The following SREBF2 variants were observed in gnomAD, a reference collection of about 807,000 sequenced individuals.
SREBF2 encodes the protein sterol regulatory element-binding protein 2.
A neutral mutation model predicts 113.1 loss-of-function variants in SREBF2; 55 were observed. That is an observed-to-expected ratio of 0.49 (90% CI 0.39 to 0.61). The LOEUF (loss-of-function observed/expected upper bound fraction) is 0.61, where lower values mean the gene tolerates loss of function less well. SREBF2 is among the 20% of genes least tolerant of loss of function. The pLI is 0.00. For synonymous variants in SREBF2, 593 were observed against 605.7 expected, an observed-to-expected ratio of 0.98 and a Z score of 0.31; for missense variants, 1,349 against 1,487.4, an observed-to-expected ratio of 0.91 and a Z score of 1.53.
chr22:41,848,582 A>T (rs1385207094), intron 1 of SREBF2, among the ~76,000 whole-genome samples: 1 of 152,138 alleles, frequency 6.6e-6, no homozygotes, highest in Non-Finnish European at 1.5e-5. Context: ...CGTAGAGCCT[A>T]ACTGCTGGGA....
At chr22:41,845,437 T>C (rs908211110) in intron 1 of SREBF2, among the ~76,000 whole-genome samples, 2 of 152,218 alleles carry the variant, frequency 1.3e-5, no homozygotes, top group African/African-American at 2.4e-5. Context: ...GCCCCTTCTC[T>C]GGTCAAAAGT....
At position 41,833,558 on chromosome 22, in the gene SREBF2, C is replaced by T. The variant is rs13057991; in HGVS notation, c.88+200C>T. ...GACCCAGCTGCGCCGCTCCGGGAGGCCGTGGGATCTGGGGCGCCGCGGGGC... is the reference window on the plus strand; with the variant it reads ...GACCCAGCTGCGCCGCTCCGGGAGGTCGTGGGATCTGGGGCGCCGCGGGGC... On this transcript the variant is annotated intron_variant, in intron 1 of 18. Transcript: ENST00000361204. This position sits in a 1 kb window ranked among gnomAD's most constrained non-coding sequence, Gnocchi z 4.1. 176,528 of 456,186 alleles carry T rather than the reference C, an allele frequency of 0.39. 36,308 individuals carry two copies. Among genetic ancestry groups the T allele is most frequent in the Non-Finnish European group, 0.44 (115,526 of 263,890 alleles). The allele number at this position is 456,186 out of a possible 1,614,324, so 28.3% of individuals were successfully genotyped here.
At position 41,904,910 on chromosome 22, in the gene SREBF2, C is replaced by G. The variant is rs757074741; in HGVS notation, c.3141C>G (p.Pro1047=). 5.0e-6 allele frequency: 8 copies of G among 1,605,780 alleles called. 1 individual carries two copies. Among genetic ancestry groups the G allele is most frequent in the Middle Eastern group, 3.3e-4 (2 of 5,982 alleles). Reference sequence around the variant, plus strand: ...TGCGCCTGATGGCAGGAGCCAGCCCCACCCGCACCCACCAGCTGCTGGAAC... The same window carrying G: ...TGCGCCTGATGGCAGGAGCCAGCCCGACCCGCACCCACCAGCTGCTGGAAC... ...ATVRLMAGAS[P]TRTHQLLEHS... is the part of the protein sequence containing the mutation. The change falls in exon 18 of 19, where the codon CCC becomes CCG. Residue 1047 remains proline, a synonymous_variant. Transcript: ENST00000361204.
rs751342107 is a variant in SREBF2, at chr22:41,880,976, C to T, written c.2022C>T (p.His674=). 2 of 1,608,404 alleles carry T rather than the reference C, an allele frequency of 1.2e-6. No homozygotes were observed. Among genetic ancestry groups the T allele is most frequent in the East Asian group, 2.2e-5 (1 of 44,892 alleles). Residue 674 remains histidine, a synonymous_variant, in exon 10 of 19, where the codon CAC becomes CAT. Transcript: ENST00000361204. ...CGGCTCTGGCCTATCACCGGCTGCA[C>T]CAGCTGCACATCACAGGTGAGGGGG... ...RDAALAYHRL[H]QLHITGKLPA...
At chr22:41,900,594 A>T in intron 16 of SREBF2, 96 bp downstream of exon 16, 1 of 1,321,704 alleles carries the variant, frequency 7.6e-7, no homozygotes, top group South Asian at 1.3e-5. Flanking sequence ...GGGTGGGGCC[A>T]TCCGAAAGAC....
At chr22:41,858,865 C>A (rs997336332) in intron 1 of SREBF2, among the ~76,000 whole-genome samples, 1 of 152,042 alleles carries the variant, frequency 6.6e-6, no homozygotes, top group Admixed American at 6.6e-5. Flanking sequence ...AGGGACCTGC[C>A]GGGCACAGTG....
At chr22:41,864,040 A>C (rs2077048081) in intron 1 of SREBF2, among the ~76,000 whole-genome samples, 1 of 149,834 alleles carries the variant, frequency 6.7e-6, no homozygotes, top group Non-Finnish European at 1.5e-5. Context: ...ACCCACCACC[A>C]TGCCTGGCTA....
intron 12 of SREBF2, 117 bp downstream of exon 12, chr22:41,893,402 G>C (rs893016580): frequency 1.2e-6 from 1 of 831,054 alleles, no homozygotes; most frequent in South Asian, 1.5e-5. Context: ...TGTTGAGTCC[G>C]TTTGTTTGTT....
intron 11 of SREBF2, among the ~76,000 whole-genome samples, chr22:41,889,162 G>A (rs2077330517): frequency 6.6e-6 from 1 of 152,174 alleles, no homozygotes; most frequent in Non-Finnish European, 1.5e-5. Context: ...GTCTTGCTCT[G>A]TTGCCCAGGC....
At chr22:41,856,126 T>C (rs1164220940) in intron 1 of SREBF2, among the ~76,000 whole-genome samples, 1 of 152,034 alleles carries the variant, frequency 6.6e-6, no homozygotes, top group African/African-American at 2.4e-5. Context: ...TTTAGTTAAT[T>C]TTTCTTTCCT....
intron 1 of SREBF2, among the ~76,000 whole-genome samples, chr22:41,860,354 A>T (rs765878792): frequency 1.3e-5 from 2 of 152,210 alleles, no homozygotes; most frequent in African/African-American, 2.4e-5. Flanking sequence ...TTTAGAAAAA[A>T]AAAAGACTTT....
Position 41,900,447 on chromosome 22 carries a change from A to G in SREBF2, c.2856A>G (p.Leu952=), listed in dbSNP as rs555504984. 3.5e-5 allele frequency: 57 copies of G among 1,613,866 alleles called. No homozygotes were observed. Among genetic ancestry groups the G allele is most frequent in the Admixed American group, 2.2e-4 (13 of 60,032 alleles). The stretch of plus-strand genomic sequence containing the variant: ...ATTGCGAGAGGGCCAGTGGCCACCT[A>G]TGGAGCAGCCTCAACGTCAGTGGGG... The part of the protein sequence containing the change: ...FCHCERASGH[L]WSSLNVSGAT... Residue 952 remains leucine (L), a synonymous_variant, in exon 16 of 19, where the codon CTA becomes CTG. Transcript: ENST00000361204.
chr22:41,877,671 G>T (rs1285973398), intron 8 of SREBF2, among the ~76,000 whole-genome samples: 4 of 152,198 alleles, frequency 2.6e-5, no homozygotes, highest in African/African-American at 9.7e-5. Flanking sequence ...GGGTGGAGGG[G>T]TGGTACCTAT....
At chr22:41,866,753 A>G in intron 1 of SREBF2, 78 bp from the exon 2 acceptor site, 1 of 1,526,192 alleles carries the variant, frequency 6.6e-7, no homozygotes, top group South Asian at 1.1e-5. Flanking sequence ...TTGAGTTTTC[A>G]TGCCTTAGTT....
intron 1 of SREBF2, among the ~76,000 whole-genome samples, chr22:41,850,156 G>A (rs1379101253): frequency 1.4e-5 from 2 of 145,852 alleles, no homozygotes; most frequent in Admixed American, 6.9e-5. Flanking sequence ...AAAAAAGAAA[G>A]TAATGAGATG....
chr22:41,870,871 T>A lies in SREBF2; in HGVS notation c.721-18T>A, dbSNP rs1424492639. 6.2e-7 allele frequency: 1 copy of A among 1,614,052 alleles called. No individual in the cohort carries two copies. Among genetic ancestry groups the A allele is most frequent in the East Asian group, 2.2e-5 (1 of 44,898 alleles). Reference sequence around the variant, plus strand: ...GATAATGCTATCATCCTTTTACTTTTCTTCCTTCTTCATCCAGGTCCTGGT... The same window carrying A: ...GATAATGCTATCATCCTTTTACTTTACTTCCTTCTTCATCCAGGTCCTGGT... On this transcript the variant is annotated intron_variant, in intron 3 of 18. Coordinates refer to ENST00000361204, the MANE Select transcript of SREBF2 (RefSeq NM_004599.4).
intron 13 of SREBF2, among the ~76,000 whole-genome samples, chr22:41,896,032 T>C (rs2077413343): frequency 6.6e-6 from 1 of 151,778 alleles, no homozygotes; most frequent in Non-Finnish European, 1.5e-5. Flanking sequence ...TCCCAGCTAT[T>C]CCGGAGGCTG....
chr22:41,864,614 C>G (rs1018052889), intron 1 of SREBF2, among the ~76,000 whole-genome samples: 7 of 151,864 alleles, frequency 4.6e-5, no homozygotes, highest in Non-Finnish European at 8.8e-5. Context: ...GTCACCGCGC[C>G]CGGCCCAAAA....
chr22:41,879,102 C>A (rs1338528851), intron 9 of SREBF2, among the ~76,000 whole-genome samples: 1 of 152,148 alleles, frequency 6.6e-6, no homozygotes, highest in African/African-American at 2.4e-5. Flanking sequence ...CTCAAGTGAT[C>A]CTCTCACCTT....
Sources: gnomAD v4.1 joint callset for allele counts (sites outside exome capture counted in the v4.1 genomes callset) on GRCh38, gnomAD v4.1.1 for gene constraint, Gnocchi (gnomAD v3.1) non-coding constraint, MANE v1.5 for transcripts, NCBI Gene and HGNC (gene_info 2026-07-23, HGNC 2026-07-21) for gene names.